The following CBLL1 variants were observed in gnomAD, a reference collection of about 807,000 sequenced individuals.
CBLL1 encodes Cbl proto-oncogene like 1.
In CBLL1, 4 loss-of-function variants were observed where a neutral mutation model predicts 44.9. The ratio of observed to expected loss-of-function variants is 0.09; its 90% confidence interval spans 0.04 to 0.20. CBLL1 has a LOEUF of 0.20. CBLL1 is among the 10% of genes least tolerant of loss of function. The pLI, the probability that CBLL1 is intolerant of heterozygous loss-of-function variation, is 1.00. For synonymous variants in CBLL1, 235 were observed against 202.2 expected (o/e 1.16, Z -1.38); for missense variants, 569 against 636.7 (o/e 0.89, Z 1.14).
At position 107,760,170 on chromosome 7, in the gene CBLL1, T is replaced by A. The variant is rs576599714; in HGVS notation, c.*992T>A. ...TTCATTTCATGGTAGAGTTTGATGC[T>A]GTGTTTAAGTGGGTTCTTGTTTATA... is the stretch of plus-strand genomic sequence containing the variant. On this transcript the variant is annotated 3_prime_UTR_variant, in exon 6 of 6. Coordinates refer to ENST00000440859, the MANE Select transcript of CBLL1 (RefSeq NM_024814.4). The A allele has an allele frequency of 6.6e-6, 1 of 152,398 alleles. No individual in the cohort carries two copies. Among genetic ancestry groups the A allele is most frequent in the African/African-American group, 2.4e-5 (1 of 41,578 alleles). 9.4% of individuals were successfully genotyped at this position (152,398 alleles called of 1,614,324 possible). A position where few individuals can be genotyped will look rare whatever the true frequency, so the allele number is the denominator to read the frequency against.
In CBLL1 at chr7:107,758,467, G is replaced by T; in HGVS notation, c.765G>T (p.Gln255His). The change falls in exon 6 of 6, where the codon CAG becomes CAT. Residue 255 changes from glutamine to histidine, a missense_variant. Gln to His is a conservative substitution (Grantham distance 24). Coordinates refer to ENST00000440859, the MANE Select transcript of CBLL1 (RefSeq NM_024814.4). The surrounding 1 kb of genome is among the most constrained non-coding windows in gnomAD (Gnocchi z 4.2). ...ATGTGCCACATGAGCACTATAATCA[G>T]CCACATGAGGATATTCGTGCTCCTC... ...LQHVPHEHYN[Q>H]PHEDIRAPPA... The T allele has an allele frequency of 6.2e-7, 1 of 1,614,046 alleles. No individual in the cohort carries two copies. The highest frequency in any genetic ancestry group is 8.5e-7 in the Non-Finnish European group (1 of 1,180,016).
chr7:107,759,855 A>G lies in CBLL1; in HGVS notation c.*677A>G, dbSNP rs550827688. On this transcript the variant is annotated 3_prime_UTR_variant, in exon 6 of 6. Transcript: ENST00000440859. ...GAGCACCAAAATACATTGGAATTCT[A>G]GTACTAAGATATATTTGTTCGTAAT... 6.6e-5 allele frequency: 10 copies of G among 152,434 alleles called. No individual in the cohort carries two copies. The East Asian group carries it at 1.9e-3, about 29-fold the overall frequency. The allele number at this position is 152,434 out of a possible 1,614,324, so 9.4% of individuals were successfully genotyped here. A position where few individuals can be genotyped will look rare whatever the true frequency, so the allele number is the denominator to read the frequency against.
At chr7:107,753,340 C>T in intron 2 of CBLL1, 71 bp from the exon 3 acceptor site, 1 of 948,888 alleles carries the variant, frequency 1.1e-6, no homozygotes, top group Non-Finnish European at 1.6e-6. Context: ...GTCTATTTTG[C>T]CATGTATATG....
rs1793739492 is a variant in CBLL1, at chr7:107,761,005, G to A, written c.*1827G>A. 6.6e-6 allele frequency: 1 copy of A among 152,190 alleles called. No individual in the cohort carries two copies. The highest frequency in any genetic ancestry group is 2.4e-5 in the African/African-American group (1 of 41,428). The allele number at this position is 152,190 out of a possible 1,614,324, so 9.4% of individuals were successfully genotyped here. On this transcript the variant is annotated 3_prime_UTR_variant, in exon 6 of 6. Coordinates refer to ENST00000440859, the MANE Select transcript of CBLL1 (RefSeq NM_024814.4). ...AGAAATGCTTGTTATTAAAAGCATG[G>A]GAGTGATAGTGTGAAATGGTGGTGA...
At chr7:107,751,370 T>G (rs1793283807) in intron 2 of CBLL1, among the ~76,000 whole-genome samples, 1 of 152,022 alleles carries the variant, frequency 6.6e-6, no homozygotes, top group Non-Finnish European at 1.5e-5. Flanking sequence ...CCAAGGGTAC[T>G]GGTCCAAGGC....
chr7:107,745,614 G>A (rs1792977696), intron 1 of CBLL1, among the ~76,000 whole-genome samples: 1 of 152,214 alleles, frequency 6.6e-6, no homozygotes, highest in African/African-American at 2.4e-5. Context: ...TATGAAGAAT[G>A]GTGTAAGAGA....
At chr7:107,754,867 A>G (rs571526676) in intron 4 of CBLL1, among the ~76,000 whole-genome samples, 14 of 152,098 alleles carry the variant, frequency 9.2e-5, no homozygotes, top group Non-Finnish European at 1.5e-4. Flanking sequence ...GCTCACACCT[A>G]TAATCCCAGG....
chr7:107,748,357 G>A (rs893360187), intron 1 of CBLL1, among the ~76,000 whole-genome samples: 1 of 152,094 alleles, frequency 6.6e-6, no homozygotes, highest in Non-Finnish European at 1.5e-5. Flanking sequence ...TTGCGCTTAA[G>A]GAATAATCAC....
chr7:107,759,259 A>G lies in CBLL1; in HGVS notation c.*81A>G. On this transcript the variant is annotated 3_prime_UTR_variant, in exon 6 of 6. Coordinates refer to ENST00000440859, the MANE Select transcript of CBLL1 (RefSeq NM_024814.4). ...CTTTTAAGCTTTGACTGTTTTGGGA[A>G]GGAAGAGTACCTCTTATCGAGGTAG... 1 of 1,255,546 alleles carries G rather than the reference A, an allele frequency of 8.0e-7. No homozygotes were observed. Among genetic ancestry groups the G allele is most frequent in the Non-Finnish European group, 1.1e-6 (1 of 906,666 alleles). The allele number at this position is 1,255,546 out of a possible 1,614,324, so 77.8% of individuals were successfully genotyped here. A position where few individuals can be genotyped will look rare whatever the true frequency, so the allele number is the denominator to read the frequency against.
At chr7:107,749,961 T>TTTG (rs71522849) in intron 2 of CBLL1, among the ~76,000 whole-genome samples, 1 of 147,630 alleles carries the variant, frequency 6.8e-6, no homozygotes, top group Non-Finnish European at 1.5e-5. Context: ...TGTTTGTTTG[T>TTTG]TTTTGTTTTT....
chr7:107,756,983 C>G (rs956707581), intron 5 of CBLL1, among the ~76,000 whole-genome samples: 1 of 152,042 alleles, frequency 6.6e-6, no homozygotes, highest in Non-Finnish European at 1.5e-5. Context: ...GGAGATAGTT[C>G]GGAGTTTACA....
intron 1 of CBLL1, among the ~76,000 whole-genome samples, chr7:107,746,209 G>A (rs775953545): frequency 3.3e-5 from 5 of 152,148 alleles, no homozygotes; most frequent in Non-Finnish European, 7.4e-5. Context: ...TCCTGCCATA[G>A]TTTAGAGGCT....
At chr7:107,747,091 C>T (rs1211383124) in intron 1 of CBLL1, among the ~76,000 whole-genome samples, 1 of 152,264 alleles carries the variant, frequency 6.6e-6, no homozygotes, top group East Asian at 1.9e-4. Context: ...GGAAATAGTG[C>T]TTTATGCTCT....
chr7:107,752,715 C>A, intron 2 of CBLL1: 2 of 457,680 alleles, frequency 4.4e-6, no homozygotes, highest in Non-Finnish European at 3.5e-6. Flanking sequence ...TTAATTAGGC[C>A]AGAGAAATTG....
Position 107,760,156 on chromosome 7 carries a change from G to A in CBLL1, c.*978G>A, listed in dbSNP as rs148809963. On this transcript the variant is annotated 3_prime_UTR_variant, in exon 6 of 6. Coordinates refer to ENST00000440859, the MANE Select transcript of CBLL1 (RefSeq NM_024814.4). Reference sequence around the variant, plus strand: ...GCTTTATGTAATTCTTCATTTCATGGTAGAGTTTGATGCTGTGTTTAAGTG... The same window carrying A: ...GCTTTATGTAATTCTTCATTTCATGATAGAGTTTGATGCTGTGTTTAAGTG... 2.0e-5 allele frequency: 3 copies of A among 152,284 alleles called. No individual in the cohort carries two copies. Among genetic ancestry groups the A allele is most frequent in the East Asian group, 3.8e-4 (2 of 5,322 alleles). 9.4% of individuals were successfully genotyped at this position (152,284 alleles called of 1,614,324 possible).
chr7:107,749,925 T>G (rs1331371411), intron 2 of CBLL1, among the ~76,000 whole-genome samples: 2 of 140,698 alleles, frequency 1.4e-5, no homozygotes, highest in Non-Finnish European at 3.2e-5. Context: ...TATGTGCGTG[T>G]GTGTATATAT....
chr7:107,754,451 C>G (rs1793440581), intron 4 of CBLL1, among the ~76,000 whole-genome samples: 1 of 151,694 alleles, frequency 6.6e-6, no homozygotes, highest in Non-Finnish European at 1.5e-5. Context: ...ACAATCCTAA[C>G]TGTAATTTTA....
rs777499951 is a variant in CBLL1, at chr7:107,748,920, T to C, written c.54T>C (p.Gly18=). 6.2e-7 allele frequency: 1 copy of C among 1,613,614 alleles called. No individual in the cohort carries two copies. Among genetic ancestry groups the C allele is most frequent in the Non-Finnish European group, 8.5e-7 (1 of 1,179,728 alleles). ...LQGTNSSGSL[G]GLDVRRRIPI... ...GCACTAATAGTTCTGGATCCTTGGG[T>C]GGTCTTGATGTTCGCAGACGAATTC... The change falls in exon 2 of 6, where the codon GGT becomes GGC. Residue 18 remains glycine (G), a synonymous_variant. Coordinates refer to ENST00000440859, the MANE Select transcript of CBLL1 (RefSeq NM_024814.4).
chr7:107,757,762 T>A (rs2115710971), intron 5 of CBLL1, among the ~76,000 whole-genome samples: 1 of 152,338 alleles, frequency 6.6e-6, no homozygotes, highest in Non-Finnish European at 1.5e-5. Context: ...AATAATACCA[T>A]ACTAGTTTGA....
Sources: allele counts gnomAD v4.1 joint callset (sites outside exome capture counted in the v4.1 genomes callset), GRCh38; gene constraint gnomAD v4.1.1; non-coding constraint Gnocchi (gnomAD v3.1); transcripts MANE v1.5; gene names NCBI Gene and HGNC (gene_info 2026-07-23, HGNC 2026-07-21).